The following ANPEP variants were observed in gnomAD, a reference collection of about 807,000 sequenced individuals.
ANPEP encodes alanyl aminopeptidase, membrane, also known as aminopeptidase N.
In ANPEP, 70 loss-of-function variants were observed where a neutral mutation model predicts 114.6. The observed-to-expected ratio is 0.61, with a 90% CI of 0.50 to 0.75. The LOEUF (loss-of-function observed/expected upper bound fraction) is 0.75. Ranked by LOEUF, ANPEP falls within the 30% of genes least tolerant of loss-of-function variation. ANPEP has a pLI of 0.00. For missense variants in ANPEP, 1,184 were observed against 1,259.5 expected (o/e 0.94, Z 0.91); for synonymous variants, 548 against 522.3 (o/e 1.05, Z -0.67).
intron 15 of ANPEP, among the ~76,000 whole-genome samples, chr15:89,794,934 C>T (rs1596163300): frequency 6.6e-6 from 1 of 152,142 alleles, no homozygotes; most frequent in East Asian, 1.9e-4. Flanking sequence ...CACCCAGTCA[C>T]CTCGCAATGA....
intron 1 of ANPEP, among the ~76,000 whole-genome samples, chr15:89,807,544 C>CA (rs569222244): frequency 1.9e-3 from 294 of 151,768 alleles, no homozygotes; most frequent in African/African-American, 6.9e-3. Context: ...ACTAAAAATA[C>CA]AAAAAAAATT....
chr15:89,807,611 G>A (rs551703081), intron 1 of ANPEP, among the ~76,000 whole-genome samples: 2 of 152,150 alleles, frequency 1.3e-5, no homozygotes, highest in African/African-American at 2.4e-5. Flanking sequence ...CTGAGGCAGA[G>A]AATTGCTTGA....
At position 89,812,593 on chromosome 15, in the gene ANPEP, T is replaced by C. The variant is rs148291076; in HGVS notation, c.-224+2179A>G. 2.7e-3 allele frequency among the ~76,000 whole-genome samples: 417 copies of C among 152,042 alleles called. 2 individuals are homozygous for C. Among genetic ancestry groups the C allele is most frequent in the African/African-American group, 9.4e-3 (389 of 41,512 alleles). ...CATTTGTGGGTGGGGGAAGTACACA[T>C]AGGGTTTGTGTGGGGCCACAGATCC... On this transcript the variant is annotated intron_variant, in intron 1 of 20. Coordinates refer to ENST00000300060, the MANE Select transcript of ANPEP (RefSeq NM_001150.3).
chr15:89,812,529 T>G (rs756310739), intron 1 of ANPEP, among the ~76,000 whole-genome samples: 5 of 152,126 alleles, frequency 3.3e-5, no homozygotes, highest in Non-Finnish European at 7.4e-5. Flanking sequence ...ATCAGCCTCT[T>G]CAGCCCAATG....
At chr15:89,798,085 G>C (rs538302001) in intron 14 of ANPEP, among the ~76,000 whole-genome samples, 1 of 152,236 alleles carries the variant, frequency 6.6e-6, no homozygotes, top group African/African-American at 2.4e-5. Context: ...CAAGAAGCCC[G>C]TGTTCTTAAC....
intron 11 of ANPEP, 69 bp from the exon 12 acceptor site, chr15:89,801,256 A>G: frequency 6.3e-7 from 1 of 1,578,176 alleles, no homozygotes; most frequent in Non-Finnish European, 8.7e-7. Context: ...GCAGCTGCCC[A>G]GGCTCCCAGC....
At chr15:89,797,278 A>G (rs1230837080) in intron 15 of ANPEP, among the ~76,000 whole-genome samples, 1 of 152,284 alleles carries the variant, frequency 6.6e-6, no homozygotes, top group Admixed American at 6.5e-5. Context: ...CATATTTCAA[A>G]TCAACAAACG....
At chr15:89,804,172 C>T (rs1462352844) in intron 6 of ANPEP, 81 bp downstream of exon 6, 8 of 1,591,794 alleles carry the variant, frequency 5.0e-6, no homozygotes, top group South Asian at 4.6e-5. Context: ...TTCTCAGCAG[C>T]CCGGGGCAGA....
chr15:89,791,182 G>A (rs1005143484), intron 18 of ANPEP, 89 bp from the exon 19 acceptor site: 3 of 1,464,488 alleles, frequency 2.0e-6, no homozygotes, highest in Non-Finnish European at 2.8e-6. Context: ...ACCTATGCCT[G>A]CATCCTCTCA....
chr15:89,807,574 C>T (rs897184775), intron 1 of ANPEP, among the ~76,000 whole-genome samples: 3 of 152,102 alleles, frequency 2.0e-5, no homozygotes, highest in Non-Finnish European at 2.9e-5. Context: ...TGGTGGCGGG[C>T]GTCTGTAATC....
At chr15:89,807,706 G>GA (rs984488013) in intron 1 of ANPEP, among the ~76,000 whole-genome samples, 5 of 151,968 alleles carry the variant, frequency 3.3e-5, no homozygotes, top group African/African-American at 4.8e-5. Context: ...AAAGAAAAAA[G>GA]AAAAAAATCG....
intron 11 of ANPEP, 48 bp from the exon 12 acceptor site, chr15:89,801,235 G>A (rs772931450): frequency 5.9e-5 from 95 of 1,598,946 alleles, no homozygotes; most frequent in Middle Eastern, 3.6e-4. Context: ...TGTGGTCACT[G>A]CCAGTGAGGA....
At chr15:89,789,374 A>G (rs762633386) in intron 20 of ANPEP, among the ~76,000 whole-genome samples, 3 of 152,194 alleles carry the variant, frequency 2.0e-5, no homozygotes, top group African/African-American at 7.2e-5. Context: ...TTGTAAAAAG[A>G]CCTTTTATAA....
chr15:89,807,750 CCT>C, intron 1 of ANPEP, among the ~76,000 whole-genome samples: 1 of 152,248 alleles, frequency 6.6e-6, no homozygotes, highest in African/African-American at 2.4e-5. Flanking sequence ...TCAACAATTG[CCT>C]CTTTCTATCC....
intron 1 of ANPEP, among the ~76,000 whole-genome samples, chr15:89,813,627 C>T (rs2141818736): frequency 6.6e-6 from 1 of 152,244 alleles, no homozygotes; most frequent in East Asian, 1.9e-4. Context: ...CCCTGCCCAG[C>T]TCCCCCATAC....
At chr15:89,814,464 G>A (rs1020594699) in intron 1 of ANPEP, among the ~76,000 whole-genome samples, 1 of 151,748 alleles carries the variant, frequency 6.6e-6, no homozygotes, top group African/African-American at 2.4e-5. Flanking sequence ...CTCCCCGTCC[G>A]TCCTCCCCAG....
At chr15:89,787,194 C>T (rs575471468) in intron 20 of ANPEP, among the ~76,000 whole-genome samples, 13 of 151,766 alleles carry the variant, frequency 8.6e-5, no homozygotes, top group Middle Eastern at 3.2e-3. Context: ...TACAGGCGCC[C>T]GCCACTGCAT....
In ANPEP at chr15:89,806,662, A is replaced by G. The variant is rs2141812728; in HGVS notation, c.-79T>C. On this transcript the variant is annotated 5_prime_UTR_variant, in exon 2 of 21. Transcript: ENST00000300060. The surrounding 1 kb of genome is among the most constrained non-coding windows in gnomAD (Gnocchi z 5.7). ...AGCCCCAGGCCGGGCTTATATCCCC[A>G]AAGGGGAGGAGCCCCACAACAGGCA... is the stretch of plus-strand genomic sequence containing the variant. 1 of 1,459,396 alleles carries G rather than the reference A, an allele frequency of 6.9e-7. No homozygotes were observed. Among genetic ancestry groups the G allele is most frequent in the South Asian group, 1.4e-5 (1 of 69,116 alleles). The allele number at this position is 1,459,396 out of a possible 1,614,324, so 90.4% of individuals were successfully genotyped here.
In ANPEP at chr15:89,803,989, A is replaced by G; in HGVS notation, c.1193T>C (p.Leu398Pro). 1 of 1,614,012 alleles carries G rather than the reference A, an allele frequency of 6.2e-7. No homozygotes were observed. Among genetic ancestry groups the G allele is most frequent in the Non-Finnish European group, 8.5e-7 (1 of 1,179,930 alleles). ...GTCATTCCACCACTCTATGGTCACC[A>G]GGTTCCCGAACCACTGTGGGGGGAG... Reference protein sequence around the residue: ...HELAHQWFGNLVTIEWWNDLW... With the variant: ...HELAHQWFGNPVTIEWWNDLW... Residue 398 changes from leucine to proline, a missense_variant, in exon 7 of 21, where the codon CTG becomes CCG. Physicochemically the swap from Leu to Pro is moderately conservative, Grantham distance 98. Coordinates refer to ENST00000300060, the MANE Select transcript of ANPEP (RefSeq NM_001150.3). This position sits in a 1 kb window ranked among gnomAD's most constrained non-coding sequence, Gnocchi z 4.2.
Sources: gnomAD v4.1 joint callset for allele counts (sites outside exome capture counted in the v4.1 genomes callset) on GRCh38, gnomAD v4.1.1 for gene constraint, Gnocchi (gnomAD v3.1) non-coding constraint, MANE v1.5 for transcripts, NCBI Gene and HGNC (gene_info 2026-07-23, HGNC 2026-07-21) for gene names.